Variants in CAMK2G observed in about 807,000 individuals in gnomAD.
The protein encoded by CAMK2G is calcium/calmodulin-dependent protein kinase type II subunit gamma.
CAMK2G carries 23 observed loss-of-function variants against 88.7 expected under a neutral mutation model. The ratio of observed to expected loss-of-function variants is 0.26; its 90% CI spans 0.19 to 0.37. The LOEUF (loss-of-function observed/expected upper bound fraction) is 0.37. Among genes scored for constraint, CAMK2G ranks in the 10% least tolerant of loss-of-function variants. The pLI, the probability that CAMK2G is intolerant of heterozygous loss-of-function variation, is 1.00. For missense variants in CAMK2G, 476 were observed against 780.8 expected, an observed-to-expected ratio of 0.61 and a Z score of 4.65; for synonymous variants, 263 against 294.8, an observed-to-expected ratio of 0.89 and a Z score of 1.11.
At chr10:73,816,824 T>C (rs1349298865) in intron 21 of CAMK2G, 199 bp downstream of exon 21, 1 of 1,547,652 alleles carries the variant, frequency 6.5e-7, no homozygotes, top group African/African-American at 1.4e-5. Context: ...TGAATGGCAC[T>C]TGGAGCTCAG....
chr10:73,864,092 C>T (rs1047399146), intron 2 of CAMK2G, among the ~76,000 whole-genome samples: 3 of 152,152 alleles, frequency 2.0e-5, no homozygotes, highest in African/African-American at 7.2e-5. Flanking sequence ...CGCCTGTAAT[C>T]CCAGTCCAGT....
Position 73,874,523 on chromosome 10 carries a change from G to A in CAMK2G, c.-62C>T. The stretch of plus-strand genomic sequence containing the variant: ...CCGACGTCGGTGCACAGTCACCGCC[G>A]CCCGGCCGAGGGAGCAAGAGGAGGA... On this transcript the variant is annotated 5_prime_UTR_variant, in exon 1 of 23. Coordinates refer to ENST00000423381, the MANE Select transcript of CAMK2G (RefSeq NM_001367534.1). 13 of 1,210,734 alleles carry A rather than the reference G, an allele frequency of 1.1e-5. No individual in the cohort carries two copies. The highest frequency in any genetic ancestry group is 1.4e-5 in the Non-Finnish European group (13 of 903,878). The allele number at this position is 1,210,734 out of a possible 1,614,324, so 75.0% of individuals were successfully genotyped here.
At chr10:73,872,594 A>G (rs1259525125) in intron 2 of CAMK2G, among the ~76,000 whole-genome samples, 1 of 152,046 alleles carries the variant, frequency 6.6e-6, no homozygotes, top group African/African-American at 2.4e-5. Context: ...TTTCCATCCT[A>G]AGTCACCACT....
Position 73,819,586 on chromosome 10 carries a change from T to C in CAMK2G, c.1309A>G (p.Arg437Gly). The C allele has an allele frequency of 1.2e-5, 18 of 1,548,952 alleles. No individual in the cohort carries two copies. Among genetic ancestry groups the C allele is most frequent in the Non-Finnish European group, 1.4e-5 (16 of 1,146,928 alleles). ...SVPEGRSSRDRTAPSAGMQPQ... is the reference protein window; with the variant it reads ...SVPEGRSSRDGTAPSAGMQPQ... ...TGCATGCCTGCAGAGGGGGCTGTTC[T>C]GTCCCGGGAGCTCCGTCCTTCAGGC... The change falls in exon 19 of 23, where the codon AGA becomes GGA. Residue 437 changes from arginine to glycine, a missense_variant. This residue lies in a region of CAMK2G where 278 missense variants were observed against 366.5 expected (regional missense o/e 0.76). Coordinates refer to ENST00000423381, the MANE Select transcript of CAMK2G (RefSeq NM_001367534.1).
intron 15 of CAMK2G, 79 bp downstream of exon 15, chr10:73,828,010 G>A (rs1046830203): frequency 8.0e-6 from 9 of 1,122,306 alleles, no homozygotes; most frequent in African/African-American, 6.1e-5. Flanking sequence ...GCACACGCAC[G>A]TGGCAGAACA....
intron 9 of CAMK2G, 47 bp downstream of exon 9, chr10:73,847,940 AG>A (rs1372512243): frequency 1.1e-6 from 1 of 886,876 alleles, no homozygotes; most frequent in Non-Finnish European, 1.7e-6. Context: ...CCGAGGAGCA[AG>A]GACATCTGCC....
intron 3 of CAMK2G, among the ~76,000 whole-genome samples, chr10:73,856,519 C>T (rs892603146): frequency 3.3e-5 from 5 of 152,150 alleles, no homozygotes; most frequent in African/African-American, 1.2e-4. Flanking sequence ...CTGGAGCTGC[C>T]AGGCGAAGAG....
At chr10:73,818,252 T>C (rs911542451) in intron 19 of CAMK2G, 1 of 190,730 alleles carries the variant, frequency 5.2e-6, no homozygotes. Context: ...CCAGCTCTCA[T>C]TGCCAGGACG....
At chr10:73,823,466 T>C in intron 17 of CAMK2G, among the ~76,000 whole-genome samples, 1 of 152,212 alleles carries the variant, frequency 6.6e-6, no homozygotes, top group East Asian at 1.9e-4. Context: ...TCTGCGCACC[T>C]TGGCCTCCCA....
intron 10 of CAMK2G, 36 bp downstream of exon 10, chr10:73,847,189 C>G: frequency 6.2e-7 from 1 of 1,611,146 alleles, no homozygotes; most frequent in Non-Finnish European, 8.5e-7. Context: ...AAGGCTGACA[C>G]CCCTGAGCTC....
chr10:73,815,276 G>A, intron 21 of CAMK2G, 29 bp from the exon 22 acceptor site: 1 of 1,481,732 alleles, frequency 6.7e-7, no homozygotes, highest in South Asian at 1.1e-5. Context: ...TAGGTAAGAG[G>A]ACATCAGGCC....
At chr10:73,816,192 C>A in intron 21 of CAMK2G, 4 of 985,458 alleles carry the variant, frequency 4.1e-6, no homozygotes, top group Non-Finnish European at 4.8e-6. Flanking sequence ...GCTTCTTATC[C>A]CCTTATTTTC....
At chr10:73,820,492 AT>A (rs1166533591) in intron 18 of CAMK2G, among the ~76,000 whole-genome samples, 129 of 51,030 alleles carry the variant, frequency 2.5e-3, no homozygotes, top group African/African-American at 9.3e-3. Context: ...ATATATATAT[AT>A]TTTTTTTTTT....
rs372780829 is a variant in CAMK2G, at chr10:73,824,091, G to C, written c.1156-7C>G. 1.2e-6 allele frequency: 2 copies of C among 1,611,634 alleles called. No homozygotes were observed. Among genetic ancestry groups the C allele is most frequent in the Admixed American group, 3.3e-5 (2 of 60,002 alleles). ...CCACAGTGGTTTGTGGCTCCTGTGA[G>C]AGAAGATGAAGATTACCCTTCCGAC... On this transcript the variant is annotated splice_region_variant and splice_polypyrimidine_tract_variant and intron_variant, in intron 16 of 22. Coordinates refer to ENST00000423381, the MANE Select transcript of CAMK2G (RefSeq NM_001367534.1).
In CAMK2G at chr10:73,852,253, C is replaced by T; in HGVS notation, c.341+1G>A. On this transcript the variant is annotated splice_donor_variant, in intron 5 of 22. Coordinates refer to ENST00000423381, the MANE Select transcript of CAMK2G (RefSeq NM_001367534.1). LOFTEE classifies it high-confidence loss of function. Reference sequence around the variant, plus strand: ...TTTGAACTCTCGGGCCCTCATCCTACCTGGCATCTGCTTCACTGTAGTACT... The same window carrying T: ...TTTGAACTCTCGGGCCCTCATCCTATCTGGCATCTGCTTCACTGTAGTACT... The T allele has an allele frequency of 6.2e-7, 1 of 1,613,258 alleles. No individual in the cohort carries two copies. The highest frequency in any genetic ancestry group is 8.5e-7 in the Non-Finnish European group (1 of 1,179,172).
intron 16 of CAMK2G, 62 bp downstream of exon 16, chr10:73,825,217 G>T: frequency 1.7e-6 from 2 of 1,169,702 alleles, no homozygotes; most frequent in Non-Finnish European, 2.6e-6. Context: ...ACAAGAGGAG[G>T]AAGAGGGAAG....
In CAMK2G at chr10:73,872,065, C is replaced by T. The variant is rs144008156; in HGVS notation, c.160+924G>A. Among the ~76,000 whole-genome samples, 19 of 152,344 alleles carry T rather than the reference C, an allele frequency of 1.2e-4. No homozygotes were observed. The East Asian group carries it at 3.7e-3, about 29-fold the overall frequency. Reference sequence around the variant, plus strand: ...TCTGAGTTTCACAACCTTTGTCCCCCAGCTGCACCCTGCAGCCCTCCGAGA... The same window carrying T: ...TCTGAGTTTCACAACCTTTGTCCCCTAGCTGCACCCTGCAGCCCTCCGAGA... On this transcript the variant is annotated intron_variant, in intron 2 of 22. Transcript: ENST00000423381.
Position 73,867,041 on chromosome 10 carries a change from A to G in CAMK2G, c.160+5948T>C, listed in dbSNP as rs535642162. Among the ~76,000 whole-genome samples, 5 of 152,264 alleles carry G rather than the reference A, an allele frequency of 3.3e-5. No individual in the cohort carries two copies. In the South Asian group the frequency reaches 8.3e-4, roughly 25 times the overall value. The stretch of plus-strand genomic sequence containing the variant: ...GGACCATGGTTTCTAATGCCCTCAC[A>G]CATGTACACCTGGTGACTAGCTGGG... On this transcript the variant is annotated intron_variant, in intron 2 of 22. Coordinates refer to ENST00000423381, the MANE Select transcript of CAMK2G (RefSeq NM_001367534.1).
At chr10:73,819,273 T>G (rs2086875976) in intron 19 of CAMK2G, among the ~76,000 whole-genome samples, 1 of 152,112 alleles carries the variant, frequency 6.6e-6, no homozygotes, top group Admixed American at 6.6e-5. Flanking sequence ...CTGCACATCC[T>G]GGGGGCTTTC....
Sources: gnomAD v4.1 joint callset for allele counts (sites outside exome capture counted in the v4.1 genomes callset) on GRCh38, gnomAD v4.1.1 for gene constraint, gnomAD v4.1.1 regional missense constraint, MANE v1.5 for transcripts, NCBI Gene and HGNC (gene_info 2026-07-23, HGNC 2026-07-21) for gene names.